REXO1: variants seen among roughly 807,000 people sequenced by gnomAD.
REXO1 encodes the protein RNA exonuclease 1 homolog.
REXO1 carries 42 observed loss-of-function variants against 102.6 expected under a neutral mutation model. The observed-to-expected ratio is 0.41, with a 90% CI of 0.32 to 0.53. The LOEUF (loss-of-function observed/expected upper bound fraction) is 0.53, where lower values mean the gene tolerates loss of function less well. Ranked by LOEUF, REXO1 falls within the 20% of genes least tolerant of loss-of-function variation. The probability of loss-of-function intolerance (pLI) is 0.27; values close to 1 mark genes in which losing one functional copy is unlikely to be tolerated. For synonymous variants in REXO1, 908 were observed against 779.1 expected (o/e 1.17, Z -2.76); for missense variants, 1,819 against 1,732.5 (o/e 1.05, Z -0.89).
Position 1,816,540 on chromosome 19 carries a change from G to C in REXO1, c.3347C>G (p.Ala1116Gly), listed in dbSNP as rs771735959. Residue 1116 changes from alanine to glycine, a missense_variant, in exon 14 of 16, where the codon GCC (alanine) becomes GGC (glycine). By Grantham distance (60) the Ala-to-Gly change is moderately conservative. Coordinates refer to ENST00000170168, the MANE Select transcript of REXO1 (RefSeq NM_020695.4). ...RFSGVTEADLADTSVTLRDVQ... is the reference protein window; with the variant it reads ...RFSGVTEADLGDTSVTLRDVQ... ...GTCACGCAGCGTGACACTTGTGTCG[G>C]CAAGGTCAGCCTCCGTCACCCCCGA... 46 of 1,605,094 alleles carry C rather than the reference G, an allele frequency of 2.9e-5. No individual in the cohort carries two copies. Among genetic ancestry groups the C allele is most frequent in the Admixed American group, 1.2e-4 (7 of 59,642 alleles).
chr19:1,828,600 C>CAGCT lies in REXO1; in HGVS notation c.185_188dup (p.Pro64AlafsTer39). 6.2e-7 allele frequency: 1 copy of CAGCT among 1,602,510 alleles called. No individual in the cohort carries two copies. Among genetic ancestry groups the CAGCT allele is most frequent in the Non-Finnish European group, 8.5e-7 (1 of 1,179,736 alleles). On this transcript the variant is annotated frameshift_variant, in exon 2 of 16. Transcript: ENST00000170168. LOFTEE classifies it high-confidence loss of function. ...TCTCCCTCTGCGCGGGGGGCTTGGG[C>CAGCT]AGCTCAGGGTTGTAGGGGTCGTAAC...
At chr19:1,835,016 G>A (rs776418181) in intron 1 of REXO1, 2 of 415,380 alleles carry the variant, frequency 4.8e-6, no homozygotes, top group Non-Finnish European at 5.0e-6. Flanking sequence ...GTTTCACACA[G>A]GAAGTTGCCT....
At chr19:1,841,500 G>C (rs1260844404) in intron 1 of REXO1, among the ~76,000 whole-genome samples, 1 of 152,220 alleles carries the variant, frequency 6.6e-6, no homozygotes, top group Non-Finnish European at 1.5e-5. Context: ...AGAAGAGCTC[G>C]CAGAGGCCGA....
In REXO1 at chr19:1,828,181, G is replaced by A. The variant is rs778246896; in HGVS notation, c.608C>T (p.Pro203Leu). ...GGGGGALEYV[P>L]KAVSQPRRHS... ...CCGCCGGGGCTGGCTCACAGCCTTG[G>A]GGACGTATTCCAGGGCACCGCCACC... Residue 203 changes from proline to leucine, a missense_variant, in exon 2 of 16, where the codon CCC becomes CTC. Physicochemically the swap from Pro to Leu is moderately conservative, Grantham distance 98. Coordinates refer to ENST00000170168, the MANE Select transcript of REXO1 (RefSeq NM_020695.4). 1.6e-5 allele frequency: 25 copies of A among 1,608,304 alleles called. No individual in the cohort carries two copies. Among genetic ancestry groups the A allele is most frequent in the Non-Finnish European group, 2.0e-5 (23 of 1,178,414 alleles).
At chr19:1,838,453 T>C (rs1448038747) in intron 1 of REXO1, among the ~76,000 whole-genome samples, 1 of 151,550 alleles carries the variant, frequency 6.6e-6, no homozygotes, top group Non-Finnish European at 1.5e-5. Context: ...ATCCTGTCTC[T>C]ACTTAAAAAA....
rs894755020 is a variant in REXO1 at position 1,826,426 on chromosome 19, G to A, written c.1911+452C>T. Among the ~76,000 whole-genome samples the A allele has an allele frequency of 6.7e-6, 1 of 150,288 alleles. No homozygotes were observed. Among genetic ancestry groups the A allele is most frequent in the Non-Finnish European group, 1.5e-5 (1 of 67,778 alleles). ...GGAGAAAGGAGCCGGAGGGGATGAG[G>A]AGGAGGCAAGGAGAGGAGACAGAGG... On this transcript the variant is annotated intron_variant, in intron 2 of 15. Coordinates refer to ENST00000170168, the MANE Select transcript of REXO1 (RefSeq NM_020695.4). The surrounding 1 kb of genome is among the most constrained non-coding windows in gnomAD (Gnocchi z 4.3).
At position 1,817,786 on chromosome 19, in the gene REXO1, G is replaced by A. The variant is rs758762711; in HGVS notation, c.3017-6C>T. 57 of 1,611,002 alleles carry A rather than the reference G, an allele frequency of 3.5e-5. No individual in the cohort carries two copies. In the South Asian group the frequency reaches 4.7e-4, roughly 13 times the overall value. On this transcript the variant is annotated splice_polypyrimidine_tract_variant and splice_region_variant and intron_variant, in intron 10 of 15. Coordinates refer to ENST00000170168, the MANE Select transcript of REXO1 (RefSeq NM_020695.4). ...GGTCTCCCAGCCTCCGGCCACTGCA[G>A]GGGACACAGACACACAGTCAGGGCC...
At position 1,828,335 on chromosome 19, in the gene REXO1, T is replaced by G; in HGVS notation, c.454A>C (p.Ser152Arg). Reference sequence around the variant, plus strand: ...CTTAATAGGCCGTGGCTGCCGGGGCTGTAGTCGAAGGCCAGTGGGAAGGCA... The same window carrying G: ...CTTAATAGGCCGTGGCTGCCGGGGCGGTAGTCGAAGGCCAGTGGGAAGGCA... Reference protein sequence around the residue: ...EDAFPLAFDYSPGSHGLLSPD... With the variant: ...EDAFPLAFDYRPGSHGLLSPD... The change falls in exon 2 of 16, where the codon AGC becomes CGC. Residue 152 changes from serine (S) to arginine (R), a missense_variant. Physicochemically the swap from Ser to Arg is moderately radical, Grantham distance 110. Coordinates refer to ENST00000170168, the MANE Select transcript of REXO1 (RefSeq NM_020695.4). 1 of 1,610,012 alleles carries G rather than the reference T, an allele frequency of 6.2e-7. No individual in the cohort carries two copies. The highest frequency in any genetic ancestry group is 8.5e-7 in the Non-Finnish European group (1 of 1,178,494).
At chr19:1,819,430 G>GGGGGA (rs1568683131) in intron 7 of REXO1, among the ~76,000 whole-genome samples, 4 of 150,904 alleles carry the variant, frequency 2.7e-5, no homozygotes. Flanking sequence ...AGAACAGCAC[G>GGGGGA]GGGGATCTAA....
At chr19:1,844,942 G>A (rs964980958) in intron 1 of REXO1, among the ~76,000 whole-genome samples, 1 of 152,138 alleles carries the variant, frequency 6.6e-6, no homozygotes, top group Non-Finnish European at 1.5e-5. Flanking sequence ...CCTGAGCTGG[G>A]GCCCACCGCA....
chr19:1,841,424 A>T (rs1416973187), intron 1 of REXO1, among the ~76,000 whole-genome samples: 1 of 152,102 alleles, frequency 6.6e-6, no homozygotes, highest in African/African-American at 2.4e-5. Flanking sequence ...CGTCAAAGTG[A>T]GGCCTGCTAC....
At chr19:1,835,851 C>G (rs868846663) in intron 1 of REXO1, among the ~76,000 whole-genome samples, 3 of 152,208 alleles carry the variant, frequency 2.0e-5, no homozygotes, top group Non-Finnish European at 4.4e-5. Context: ...GGCTGGCTAT[C>G]TTCCCCAGCC....
intron 1 of REXO1, among the ~76,000 whole-genome samples, chr19:1,833,487 G>A (rs1032476750): frequency 5.3e-5 from 8 of 152,216 alleles, no homozygotes; most frequent in South Asian, 2.1e-4. Context: ...GGGAGTCAGC[G>A]AGGGCACCCA....
At chr19:1,833,818 G>C (rs1350593875) in intron 1 of REXO1, among the ~76,000 whole-genome samples, 1 of 152,240 alleles carries the variant, frequency 6.6e-6, no homozygotes, top group Non-Finnish European at 1.5e-5. Context: ...CCAGGCCAAG[G>C]CCACTGTGGC....
At chr19:1,819,798 C>G in intron 7 of REXO1, 136 bp downstream of exon 7, 1 of 966,682 alleles carries the variant, frequency 1.0e-6, no homozygotes, top group Non-Finnish European at 1.4e-6. Context: ...CAGGCAGCCC[C>G]CCCACAGCAC....
chr19:1,846,494 T>C (rs991697310), intron 1 of REXO1, among the ~76,000 whole-genome samples: 8 of 152,024 alleles, frequency 5.3e-5, no homozygotes, highest in African/African-American at 1.7e-4. Flanking sequence ...CTTTTTCCCA[T>C]AGGAACGGGG....
chr19:1,837,802 C>T (rs552597884), intron 1 of REXO1, among the ~76,000 whole-genome samples: 1 of 152,340 alleles, frequency 6.6e-6, no homozygotes, highest in South Asian at 2.1e-4. Context: ...CAGGTGGAGC[C>T]ACACGGCAGG....
chr19:1,833,469 AGGACCCTG>A (rs1401984693), intron 1 of REXO1, among the ~76,000 whole-genome samples: 2 of 152,214 alleles, frequency 1.3e-5, no homozygotes, highest in Non-Finnish European at 2.9e-5. Context: ...CTCACAGCCA[AGGACCCTG>A]GGAGTCAGCG....
At chr19:1,830,502 C>A (rs1308900665) in intron 1 of REXO1, among the ~76,000 whole-genome samples, 1 of 152,180 alleles carries the variant, frequency 6.6e-6, no homozygotes, top group African/African-American at 2.4e-5. Context: ...AAACAAGACC[C>A]CAGCTCTTAA....
Sources: allele counts gnomAD v4.1 joint callset (sites outside exome capture counted in the v4.1 genomes callset), GRCh38; gene constraint gnomAD v4.1.1; non-coding constraint Gnocchi (gnomAD v3.1); transcripts MANE v1.5; gene names NCBI Gene and HGNC (gene_info 2026-07-23, HGNC 2026-07-21).